MKLN1: variants seen among roughly 807,000 people sequenced by gnomAD.
MKLN1 encodes the protein muskelin.
A neutral mutation model predicts 99.0 loss-of-function variants in MKLN1; 18 were observed. The ratio of observed to expected loss-of-function variants is 0.18; its 90% confidence interval spans 0.13 to 0.27. MKLN1 has a LOEUF of 0.27. Ranked by LOEUF, MKLN1 falls within the 10% of genes least tolerant of loss-of-function variation. The pLI is 1.00. For synonymous variants in MKLN1, 288 were observed against 293.2 expected (o/e 0.98, Z 0.18); for missense variants, 621 against 875.9 (o/e 0.71, Z 3.67).
chr7:131,350,135 A>G (rs1031346912), intron 1 of MKLN1, among the ~76,000 whole-genome samples: 3 of 152,128 alleles, frequency 2.0e-5, no homozygotes, highest in Admixed American at 6.5e-5. Context: ...TAAAGTAAAT[A>G]TAAGTTATGT....
chr7:131,120,390 CA>C (rs548981792), intron 1 of MKLN1, among the ~76,000 whole-genome samples: 7 of 142,802 alleles, frequency 4.9e-5, no homozygotes, highest in Admixed American at 1.4e-4. Flanking sequence ...AACAAACAAA[CA>C]AAAAAAAACT....
chr7:131,144,587 T>A (rs1795789920), intron 2 of MKLN1, among the ~76,000 whole-genome samples: 1 of 151,708 alleles, frequency 6.6e-6, no homozygotes, highest in African/African-American at 2.4e-5. Context: ...CCTCAAGCAA[T>A]CCTCCTGCCT....
At chr7:131,193,559 A>G (rs886228883) in intron 2 of MKLN1, among the ~76,000 whole-genome samples, 4 of 152,044 alleles carry the variant, frequency 2.6e-5, no homozygotes, top group African/African-American at 9.7e-5. Context: ...TTATTTTAGT[A>G]GAGATGAGGT....
At chr7:131,182,631 GAACA>G (rs1796392121) in intron 2 of MKLN1, among the ~76,000 whole-genome samples, 1 of 151,382 alleles carries the variant, frequency 6.6e-6, no homozygotes, top group Admixed American at 6.6e-5. Context: ...TCTTTGCTAA[GAACA>G]AATAGAGAAT....
chr7:131,367,296 A>G (rs1385182391), intron 1 of MKLN1, among the ~76,000 whole-genome samples: 8 of 152,078 alleles, frequency 5.3e-5, no homozygotes, highest in Non-Finnish European at 1.0e-4. Context: ...GCCCAACTCT[A>G]TTTTCAATTC....
intron 3 of MKLN1, among the ~76,000 whole-genome samples, chr7:131,304,059 G>A (rs1798418628): frequency 6.6e-6 from 1 of 152,098 alleles, no homozygotes; most frequent in Non-Finnish European, 1.5e-5. Flanking sequence ...ATAGGTATAG[G>A]CCTCAAAAAT....
At chr7:131,141,723 C>T (rs1795736008) in intron 1 of MKLN1, among the ~76,000 whole-genome samples, 1 of 152,202 alleles carries the variant, frequency 6.6e-6, no homozygotes, top group Non-Finnish European at 1.5e-5. Flanking sequence ...AAGTCACTAA[C>T]TTCCAATTTT....
chr7:131,374,624 G>A (rs1265457618), intron 1 of MKLN1, among the ~76,000 whole-genome samples: 6 of 152,082 alleles, frequency 3.9e-5, no homozygotes, highest in Non-Finnish European at 5.9e-5. Flanking sequence ...AAATCAAGCA[G>A]TGTTTATGTA....
intron 1 of MKLN1, among the ~76,000 whole-genome samples, chr7:131,368,842 AT>A (rs1391677621): frequency 4.9e-4 from 74 of 152,312 alleles, no homozygotes; most frequent in African/African-American, 1.7e-3. Flanking sequence ...GATAAATAAT[AT>A]ATGCTTATAT....
intron 6 of MKLN1, among the ~76,000 whole-genome samples, chr7:131,400,518 A>AAATATATATATATATATATATAT (rs527702723): frequency 1.5e-5 from 2 of 137,434 alleles, no homozygotes; most frequent in African/African-American, 5.6e-5. Flanking sequence ...ATAAAAAAAA[A>AAATATATATATATATATATATAT]ATATATATAT....
At chr7:131,178,279 C>CTTTTTTT (rs35412933) in intron 2 of MKLN1, among the ~76,000 whole-genome samples, 44 of 72,560 alleles carry the variant, frequency 6.1e-4, no homozygotes, top group Non-Finnish European at 1.0e-3. Flanking sequence ...ACATGCCCGG[C>CTTTTTTT]TTTTTTTTTT....
At chr7:131,472,012 A>G (rs985153494) in intron 16 of MKLN1, 3 of 152,186 alleles carry the variant, frequency 2.0e-5, no homozygotes, top group African/African-American at 7.2e-5. Context: ...ATGCTTTAGA[A>G]CCCCCATGAA....
chr7:131,227,495 C>CTTTCTCTTTCTT (rs767797052), intron 3 of MKLN1, among the ~76,000 whole-genome samples: 6 of 115,710 alleles, frequency 5.2e-5, no homozygotes, highest in African/African-American at 2.0e-4. Context: ...CTCTTTCTTT[C>CTTTCTCTTTCTT]TCTTTCTTTC....
chr7:131,147,165 C>T (rs993753986), intron 2 of MKLN1, among the ~76,000 whole-genome samples: 2 of 151,664 alleles, frequency 1.3e-5, no homozygotes, highest in African/African-American at 4.8e-5. Context: ...GATTCTTCTC[C>T]CTCAGCCTCC....
intron 10 of MKLN1, among the ~76,000 whole-genome samples, chr7:131,440,581 T>C (rs1795809861): frequency 6.6e-6 from 1 of 152,092 alleles, no homozygotes; most frequent in Non-Finnish European, 1.5e-5. Context: ...TCCCAGTACA[T>C]TACCCCTTTC....
chr7:131,424,729 T>G (rs1795307363), intron 8 of MKLN1, among the ~76,000 whole-genome samples: 1 of 152,200 alleles, frequency 6.6e-6, no homozygotes, highest in South Asian at 2.1e-4. Context: ...ATAGATTGAT[T>G]GGTGATTGAC....
intron 8 of MKLN1, among the ~76,000 whole-genome samples, chr7:131,415,197 CTTAATTACCAT>C (rs2116348129): frequency 6.6e-6 from 1 of 150,750 alleles, no homozygotes; most frequent in South Asian, 2.1e-4. Context: ...CCTAGGAAAA[CTTAATTACCAT>C]AATATTTAGA....
chr7:131,404,613 C>CT (rs1187391191), intron 6 of MKLN1, among the ~76,000 whole-genome samples: 197 of 151,076 alleles, frequency 1.3e-3, no homozygotes, highest in African/African-American at 4.3e-3. Flanking sequence ...CTTTTCTTTT[C>CT]TTTTTTTTTG....
At chr7:131,334,960 T>G (rs1799209044) in intron 1 of MKLN1, among the ~76,000 whole-genome samples, 1 of 152,190 alleles carries the variant, frequency 6.6e-6, no homozygotes, top group South Asian at 2.1e-4. Flanking sequence ...TTATAAAATT[T>G]CTAGGTCTTT....
Sources: gnomAD v4.1 joint callset for allele counts (sites outside exome capture counted in the v4.1 genomes callset) on GRCh38, gnomAD v4.1.1 for gene constraint, MANE v1.5 for transcripts, NCBI Gene and HGNC (gene_info 2026-07-23, HGNC 2026-07-21) for gene names.